Variants in WDR3 observed in about 807,000 individuals in gnomAD.
WDR3 encodes the protein WD repeat domain 3, also known as WD repeat-containing protein 3.
WDR3 carries 81 observed loss-of-function variants against 123.7 expected under a neutral mutation model. The ratio of observed to expected loss-of-function variants is 0.65; its 90% CI spans 0.55 to 0.79. WDR3 has a LOEUF of 0.79. Ranked by LOEUF, WDR3 falls within the 30% of genes least tolerant of loss-of-function variation. The probability of loss-of-function intolerance (pLI) is 0.00; values close to 1 mark genes in which losing one functional copy is unlikely to be tolerated. For synonymous variants in WDR3, 390 were observed against 388.8 expected (o/e 1.00, Z -0.04); for missense variants, 1,027 against 1,123.2 (o/e 0.91, Z 1.22).
At chr1:117,936,708 CA>C in intron 3 of WDR3, 60 bp from the exon 4 acceptor site, 1 of 1,285,788 alleles carries the variant, frequency 7.8e-7, no homozygotes, top group Middle Eastern at 1.9e-4. Context: ...CATTGTTTGT[CA>C]AGTTGGGCCA....
At chr1:117,952,149 T>C in intron 17 of WDR3, 73 bp downstream of exon 17, 1 of 1,535,968 alleles carries the variant, frequency 6.5e-7, no homozygotes, top group Non-Finnish European at 8.9e-7. Context: ...CATCTGTGTC[T>C]ATTTTTCAGT....
intron 15 of WDR3, 126 bp from the exon 16 acceptor site, chr1:117,950,708 T>A: frequency 1.2e-6 from 1 of 807,744 alleles, no homozygotes; most frequent in Non-Finnish European, 2.0e-6. Context: ...CTTTTGTGGG[T>A]TGTCTTTGAA....
At chr1:117,949,082 G>GA (rs1186898726) in intron 13 of WDR3, among the ~76,000 whole-genome samples, 4 of 151,962 alleles carry the variant, frequency 2.6e-5, no homozygotes, top group South Asian at 2.1e-4. Flanking sequence ...CTTAGTTTTG[G>GA]AAAAAATCAC....
chr1:117,957,246 A>C (rs762297251), intron 25 of WDR3, 50 bp downstream of exon 25: 8 of 1,573,728 alleles, frequency 5.1e-6, no homozygotes, highest in Non-Finnish European at 6.9e-6. Flanking sequence ...GAACTGCTTC[A>C]GTAGTACCTT....
intron 14 of WDR3, 39 bp from the exon 15 acceptor site, chr1:117,949,956 T>C (rs1397272519): frequency 6.2e-7 from 1 of 1,613,052 alleles, no homozygotes; most frequent in African/African-American, 1.3e-5. Context: ...TGAATTTGTA[T>C]ACTCATTTAT....
intron 19 of WDR3, 101 bp downstream of exon 19, chr1:117,952,763 A>C: frequency 2.0e-6 from 3 of 1,492,982 alleles, no homozygotes; most frequent in South Asian, 2.6e-5. Context: ...ATGCATTGCC[A>C]AGTCCAAGAA....
In WDR3 at chr1:117,944,801, A is replaced by G. The variant is rs1214145731; in HGVS notation, c.1328+1175A>G. ...ACTGCAACCTCCACCTCCTGGGTTC[A>G]AGTGGTTTTCCTGTGTCAGCCTCCC... On this transcript the variant is annotated intron_variant, in intron 11 of 26. Transcript: ENST00000349139. Among the ~76,000 whole-genome samples, 5 of 152,212 alleles carry G rather than the reference A, an allele frequency of 3.3e-5. No individual in the cohort carries two copies. The South Asian group carries it at 1.0e-3, about 32-fold the overall frequency.
At chr1:117,932,732 T>C (rs1158888323) in intron 1 of WDR3, among the ~76,000 whole-genome samples, 1 of 152,162 alleles carries the variant, frequency 6.6e-6, no homozygotes, top group African/African-American at 2.4e-5. Flanking sequence ...ATGTCAGATA[T>C]GCATGAGGTG....
intron 8 of WDR3, 54 bp from the exon 9 acceptor site, chr1:117,941,696 A>G (rs575380913): frequency 5.1e-6 from 8 of 1,568,892 alleles, no homozygotes; most frequent in African/African-American, 2.8e-5. Flanking sequence ...ATTGAGAATT[A>G]GGTAAATTAC....
At chr1:117,947,405 A>G (rs959186069) in intron 12 of WDR3, among the ~76,000 whole-genome samples, 5 of 152,232 alleles carry the variant, frequency 3.3e-5, no homozygotes, top group Non-Finnish European at 5.9e-5. Flanking sequence ...TCTTGCTTCA[A>G]CAAAAAAATG....
In WDR3 at chr1:117,958,869, G is replaced by A. The variant is rs767844712; in HGVS notation, c.2583-41G>A. Reference sequence around the variant, plus strand: ...TTTCTAGAAGGGTTAAGTAGGGCTAGAACCTCTCTGCAACATGGCTGTGTT... The same window carrying A: ...TTTCTAGAAGGGTTAAGTAGGGCTAAAACCTCTCTGCAACATGGCTGTGTT... On this transcript the variant is annotated intron_variant, in intron 25 of 26. Coordinates refer to ENST00000349139, the MANE Select transcript of WDR3 (RefSeq NM_006784.3). The A allele has an allele frequency of 7.1e-6, 11 of 1,559,138 alleles. No individual in the cohort carries two copies. The African/African-American group carries it at 1.4e-4, about 19-fold the overall frequency.
Position 117,942,504 on chromosome 1 carries a change from A to T in WDR3, c.1057A>T (p.Ile353Phe). The change falls in exon 10 of 27, where the codon ATC (isoleucine) becomes TTC (phenylalanine). Residue 353 changes from isoleucine to phenylalanine, a missense_variant. Physicochemically the swap from Ile to Phe is conservative, Grantham distance 21. Coordinates refer to ENST00000349139, the MANE Select transcript of WDR3 (RefSeq NM_006784.3). ...VNVEMSLQDE[I>F]QRVTNIKTSA... The stretch of plus-strand genomic sequence containing the variant: ...TGTTGAAATGAGTCTGCAAGATGAA[A>T]TCCAGCGGGTGACTAATATAAAAAC... 1.2e-6 allele frequency: 2 copies of T among 1,614,042 alleles called. No individual in the cohort carries two copies. The highest frequency in any genetic ancestry group is 1.7e-6 in the Non-Finnish European group (2 of 1,179,952).
intron 13 of WDR3, 81 bp downstream of exon 13, chr1:117,948,587 C>T: frequency 2.1e-6 from 2 of 967,180 alleles, no homozygotes; most frequent in African/African-American, 1.8e-5. Flanking sequence ...TAAAGAAAGC[C>T]TGAGGTTTTT....
chr1:117,947,385 A>G (rs2101213219), intron 12 of WDR3, among the ~76,000 whole-genome samples: 4 of 152,332 alleles, frequency 2.6e-5, no homozygotes, highest in Middle Eastern at 6.8e-3. Flanking sequence ...TATGGATCAC[A>G]ATGGATATTT....
rs915073015 is a variant in WDR3 at position 117,951,972 on chromosome 1, A to G, written c.1804-4A>G. The G allele has an allele frequency of 1.6e-5, 25 of 1,609,160 alleles. No individual in the cohort carries two copies. In the Admixed American group the frequency reaches 2.7e-4, roughly 18 times the overall value. ...AGGTAGTGTTTTACTTTTATTTCTCATAGGATGGAGCACTCATAGCAACTG... is the reference window on the plus strand; with the variant it reads ...AGGTAGTGTTTTACTTTTATTTCTCGTAGGATGGAGCACTCATAGCAACTG... On this transcript the variant is annotated splice_region_variant and splice_polypyrimidine_tract_variant and intron_variant, in intron 16 of 26. Coordinates refer to ENST00000349139, the MANE Select transcript of WDR3 (RefSeq NM_006784.3).
chr1:117,959,104 C>A, intron 26 of WDR3, 101 bp downstream of exon 26: 2 of 1,298,372 alleles, frequency 1.5e-6, no homozygotes, highest in Non-Finnish European at 2.1e-6. Context: ...TACCCACCAC[C>A]GATAAATCCA....
rs1011856391 is a variant in WDR3, at chr1:117,950,855, C to T, written c.1768C>T (p.His590Tyr). 6.2e-7 allele frequency: 1 copy of T among 1,609,060 alleles called. No individual in the cohort carries two copies. Among genetic ancestry groups the T allele is most frequent in the Non-Finnish European group, 8.5e-7 (1 of 1,178,536 alleles). The change falls in exon 16 of 27, where the codon CAC becomes TAC. Residue 590 changes from histidine to tyrosine, a missense_variant. By Grantham distance (83) the His-to-Tyr change is moderately conservative. Transcript: ENST00000349139. The part of the protein sequence containing the change: ...TLKFFLSLYG[H>Y]KLPVICMDIS... ...TTAGTTTTTTCTGTCACTGTATGGA[C>T]ACAAACTGCCTGTTATATGCATGGA...
Position 117,959,421 on chromosome 1 carries a change from G to C in WDR3, c.2806G>C (p.Glu936Gln), listed in dbSNP as rs866947264. ...EEKKRKRKKR[E>Q]KLILTLT is the part of the protein sequence containing the mutation. ...GAAGAAGAGGAAGAGGAAAAAGAGG[G>C]AGAAGTTGATTCTAACGTTGACTTA... Residue 936 changes from glutamate to glutamine, a missense_variant, in exon 27 of 27, where the codon GAG (glutamate) becomes CAG (glutamine). Glu to Gln is a conservative substitution (Grantham distance 29, BLOSUM62 2). Coordinates refer to ENST00000349139, the MANE Select transcript of WDR3 (RefSeq NM_006784.3). 6.2e-7 allele frequency: 1 copy of C among 1,612,840 alleles called. No individual in the cohort carries two copies.
In WDR3 at chr1:117,949,973, T is replaced by A. The variant is rs746458539; in HGVS notation, c.1611-22T>A. On this transcript the variant is annotated intron_variant, in intron 14 of 26. Transcript: ENST00000349139. ...AATTTGTATACTCATTTATTTTTTC[T>A]TGATGTTTTTTGTGGTGCTAGACTT... 4 of 1,613,446 alleles carry A rather than the reference T, an allele frequency of 2.5e-6. No homozygotes were observed. The East Asian group carries it at 6.7e-5, about 27-fold the overall frequency.
Sources: gnomAD v4.1 joint callset for allele counts (sites outside exome capture counted in the v4.1 genomes callset) on GRCh38, gnomAD v4.1.1 for gene constraint, MANE v1.5 for transcripts, NCBI Gene and HGNC (gene_info 2026-07-23, HGNC 2026-07-21) for gene names.